Variants in TRAF3IP3 observed in about 807,000 individuals in gnomAD.
The protein encoded by TRAF3IP3 is TRAF3-interacting JNK-activating modulator.
Under a neutral mutation model 86.5 loss-of-function variants are expected in TRAF3IP3, and 64 were observed. That is an observed-to-expected ratio of 0.74 (90% CI 0.60 to 0.91). The LOEUF is 0.91. Ranked by LOEUF, TRAF3IP3 falls within the 40% of genes least tolerant of loss-of-function variation. TRAF3IP3 has a pLI of 0.00. For missense variants in TRAF3IP3, 579 were observed against 642.9 expected (o/e 0.90, Z 1.07); for synonymous variants, 220 against 243.9 (o/e 0.90, Z 0.91).
chr1:209,765,251 A>G (rs2077332929), intron 8 of TRAF3IP3, among the ~76,000 whole-genome samples: 3 of 139,242 alleles, frequency 2.2e-5, no homozygotes, highest in Admixed American at 7.3e-5. Context: ...GGAAGGAAGG[A>G]AGGAAGGAAG....
rs374387692 is a variant in TRAF3IP3 at position 209,779,957 on chromosome 1, T to G, written c.1313-513T>G. The G allele has an allele frequency of 8.5e-5, 14 of 164,082 alleles. No homozygotes were observed. In the East Asian group the frequency reaches 2.3e-3, roughly 27 times the overall value. 10.2% of individuals were successfully genotyped at this position (164,082 alleles called of 1,614,324 possible). Reference sequence around the variant, plus strand: ...TGGTGACACAAACTAACAACACAGCTATAACAACAATCCAAAACTTCTGAC... The same window carrying G: ...TGGTGACACAAACTAACAACACAGCGATAACAACAATCCAAAACTTCTGAC... On this transcript the variant is annotated intron_variant, in intron 14 of 16. Coordinates refer to ENST00000367025, the MANE Select transcript of TRAF3IP3 (RefSeq NM_025228.4).
At chr1:209,770,802 GGT>G (rs575035607) in intron 8 of TRAF3IP3, among the ~76,000 whole-genome samples, 85 of 126,488 alleles carry the variant, frequency 6.7e-4, no homozygotes, top group Middle Eastern at 5.6e-3. Context: ...TGCATATGGA[GGT>G]GTGTGTGTGC....
intron 15 of TRAF3IP3, 30 bp from the exon 16 acceptor site, chr1:209,781,315 C>T: frequency 6.7e-7 from 1 of 1,490,260 alleles, no homozygotes; most frequent in Non-Finnish European, 9.4e-7. Context: ...ACAGAAGTGA[C>T]AGTGATGACT....
chr1:209,779,895 T>C (rs1197598291), intron 14 of TRAF3IP3: 1 of 189,420 alleles, frequency 5.3e-6, no homozygotes, highest in Non-Finnish European at 1.1e-5. Context: ...CAGAAATTTT[T>C]ATGCTCACAG....
intron 9 of TRAF3IP3, among the ~76,000 whole-genome samples, chr1:209,774,259 T>G (rs1054153970): frequency 6.6e-6 from 1 of 152,230 alleles, no homozygotes; most frequent in Non-Finnish European, 1.5e-5. Context: ...AATGTATTAA[T>G]TTTAAAACAT....
intron 8 of TRAF3IP3, among the ~76,000 whole-genome samples, chr1:209,771,151 TGAA>T (rs1387510183): frequency 8.0e-6 from 1 of 125,334 alleles, no homozygotes; most frequent in Non-Finnish European, 1.6e-5. Context: ...TGTGTGCATG[TGAA>T]GGTTGTGTGC....
intron 14 of TRAF3IP3, chr1:209,779,765 C>CTG: frequency 2.0e-6 from 1 of 511,454 alleles, no homozygotes; most frequent in Non-Finnish European, 3.5e-6. Flanking sequence ...AGAGAGTCTA[C>CTG]TGTCCATGTT....
chr1:209,764,907 A>C (rs1378553787), intron 8 of TRAF3IP3, among the ~76,000 whole-genome samples: 1 of 151,862 alleles, frequency 6.6e-6, no homozygotes, highest in East Asian at 2.0e-4. Context: ...GGTGCCGTGC[A>C]TCATGTCTGT....
At chr1:209,763,233 C>A in intron 6 of TRAF3IP3, 130 bp from the exon 7 acceptor site, 1 of 1,379,304 alleles carries the variant, frequency 7.3e-7, no homozygotes, top group Non-Finnish European at 1.0e-6. Flanking sequence ...GACATGGGGA[C>A]TAAAGGGACC....
At chr1:209,759,865 T>G (rs2077214666) in intron 2 of TRAF3IP3, 117 bp from the exon 3 acceptor site, 1 of 605,574 alleles carries the variant, frequency 1.7e-6, no homozygotes, top group South Asian at 2.1e-5. Context: ...ATGTCCTCAG[T>G]TTTCAACCCA....
chr1:209,770,967 C>CGTGTGCATGTGGAGGTGTGT (rs2077484516), intron 8 of TRAF3IP3, among the ~76,000 whole-genome samples: 2 of 59,208 alleles, frequency 3.4e-5, no homozygotes, highest in Non-Finnish European at 6.6e-5. Context: ...TGGAGGGGTG[C>CGTGTGCATGTGGAGGTGTGT]GTGTGCATGT....
In TRAF3IP3 at chr1:209,760,198, G is replaced by T; in HGVS notation, c.159G>T (p.Gln53His). The T allele has an allele frequency of 6.2e-7, 1 of 1,614,242 alleles. No homozygotes were observed. The highest frequency in any genetic ancestry group is 8.5e-7 in the Non-Finnish European group (1 of 1,180,020). The change falls in exon 3 of 17, where the codon CAG becomes CAT. Residue 53 changes from glutamine to histidine, a missense_variant. Gln to His is a conservative substitution (Grantham distance 24). Transcript: ENST00000367025. ...RQVGKTLRIQ[Q>H]REQLQRARLQ... ...TGGGGAAGACGCTGAGGATCCAACA[G>T]AGAGAGCAGCTCCAGAGAGCTCGAC...
At chr1:209,778,749 G>C (rs780199172) in intron 13 of TRAF3IP3, 2 of 154,870 alleles carry the variant, frequency 1.3e-5, no homozygotes, top group Non-Finnish European at 2.9e-5. Context: ...GCAACCACAG[G>C]GAAAAGGGAA....
rs2077701374 is a variant in TRAF3IP3, at chr1:209,778,279, TCTAA to T, written c.1252+109_1252+112del. 3.3e-5 allele frequency: 27 copies of T among 819,494 alleles called. No homozygotes were observed. In the South Asian group the frequency reaches 4.1e-4, roughly 12 times the overall value. 50.8% of individuals were successfully genotyped at this position (819,494 alleles called of 1,614,324 possible). On this transcript the variant is annotated intron_variant, in intron 13 of 16. Transcript: ENST00000367025. ...TAAGGGCCCAGTCTTTGGCATATGC[TCTAA>T]CTCTGTGCACTTTCAGACCCTCTTC...
At chr1:209,772,713 G>A (rs1363642306) in intron 8 of TRAF3IP3, among the ~76,000 whole-genome samples, 1 of 150,886 alleles carries the variant, frequency 6.6e-6, no homozygotes, top group Non-Finnish European at 1.5e-5. Context: ...GATAAAAATC[G>A]AGGTAAAAAG....
rs768970550 is a variant in TRAF3IP3 at position 209,775,685 on chromosome 1, C to G, written c.1002C>G (p.Thr334=). The change falls in exon 11 of 17, where the codon ACC becomes ACG. Residue 334 remains threonine, a synonymous_variant. Transcript: ENST00000367025. ...AGGAGGACTGGAGGACCCTTGGGAC[C>G]CAGCACAGGGAGCTGGAGAGCCAAC... ...ALKEDWRTLG[T]QHRELESQLH... The G allele has an allele frequency of 1.2e-6, 2 of 1,613,934 alleles. No individual in the cohort carries two copies. The highest frequency in any genetic ancestry group is 1.3e-5 in the African/African-American group (1 of 74,922).
intron 8 of TRAF3IP3, among the ~76,000 whole-genome samples, chr1:209,766,929 A>T (rs530845745): frequency 6.6e-6 from 1 of 152,354 alleles, no homozygotes; most frequent in South Asian, 2.1e-4. Flanking sequence ...GGAGCTAACC[A>T]GTAGAGAAGC....
At chr1:209,777,798 AG>A (rs2077690090) in intron 12 of TRAF3IP3, 1 of 510,370 alleles carries the variant, frequency 2.0e-6, no homozygotes, top group African/African-American at 1.9e-5. Context: ...CTAATTTGAA[AG>A]GGAAAGGTCA....
In TRAF3IP3 at chr1:209,778,865, G is replaced by A. The variant is rs1448809732; in HGVS notation, c.1253-450G>A. ...ACTGGGTGCCTTGAAGAACAGAAAT[G>A]TATTGTCTCACAGTTCTGGAGACTA... On this transcript the variant is annotated intron_variant, in intron 13 of 16. Coordinates refer to ENST00000367025, the MANE Select transcript of TRAF3IP3 (RefSeq NM_025228.4). 7.9e-5 allele frequency: 14 copies of A among 178,156 alleles called. 1 individual carries two copies. The highest frequency in any genetic ancestry group is 2.4e-4 in the South Asian group (2 of 8,180). The allele number at this position is 178,156 out of a possible 1,614,324, so 11.0% of individuals were successfully genotyped here.
Sources: gnomAD v4.1 joint callset for allele counts (sites outside exome capture counted in the v4.1 genomes callset) on GRCh38, gnomAD v4.1.1 for gene constraint, MANE v1.5 for transcripts, NCBI Gene and HGNC (gene_info 2026-07-23, HGNC 2026-07-21) for gene names.